GSE1: variants seen among roughly 807,000 people sequenced by gnomAD.
The protein encoded by GSE1 is genetic suppressor element 1.
GSE1 carries 32 observed loss-of-function variants against 112.6 expected under a neutral mutation model. The observed-to-expected ratio is 0.28, with a 90% CI of 0.21 to 0.38. The LOEUF (loss-of-function observed/expected upper bound fraction) is 0.38, where lower values mean the gene tolerates loss of function less well. Ranked by LOEUF, GSE1 falls within the 10% of genes least tolerant of loss-of-function variation. The probability of loss-of-function intolerance (pLI) is 1.00; values close to 1 mark genes in which losing one functional copy is unlikely to be tolerated. For synonymous variants in GSE1, 1,115 were observed against 735.6 expected (o/e 1.52, Z -8.35); for missense variants, 2,348 against 1,699.2 (o/e 1.38, Z -6.71).
chr16:85,402,686 C>G (rs908014025), intron 2 of GSE1, among the ~76,000 whole-genome samples: 1 of 152,152 alleles, frequency 6.6e-6, no homozygotes, highest in Non-Finnish European at 1.5e-5. Flanking sequence ...TTTCAGGAGG[C>G]TGAGGCGGGA....
intron 2 of GSE1, among the ~76,000 whole-genome samples, chr16:85,647,158 G>A (rs995392963): frequency 1.3e-5 from 2 of 152,190 alleles, no homozygotes; most frequent in African/African-American, 4.8e-5. Flanking sequence ...CTGCAGATGG[G>A]CCGGGGCGGC....
chr16:85,232,132 C>A (rs1030614899), intron 1 of GSE1, among the ~76,000 whole-genome samples: 1 of 152,228 alleles, frequency 6.6e-6, no homozygotes, highest in African/African-American at 2.4e-5. Context: ...CGTTGGCCTT[C>A]GATACATCCC....
intron 2 of GSE1, among the ~76,000 whole-genome samples, chr16:85,466,221 G>T (rs1354650619): frequency 6.6e-6 from 1 of 152,244 alleles, no homozygotes. Context: ...CAGCTGACCT[G>T]CTCTGCCAGG....
At chr16:85,667,253 G>A (rs989753450) in intron 13 of GSE1, among the ~76,000 whole-genome samples, 3 of 152,206 alleles carry the variant, frequency 2.0e-5, no homozygotes, top group African/African-American at 7.2e-5. Flanking sequence ...CCTTGTCCTG[G>A]CCTTACACTA....
chr16:85,305,295 T>C (rs59027975), intron 1 of GSE1, among the ~76,000 whole-genome samples: 59 of 151,406 alleles, frequency 3.9e-4, no homozygotes, highest in African/African-American at 1.3e-3. Context: ...TGATGATGAT[T>C]ATTATTATTT....
At chr16:85,653,940 G>A (rs1043341622) in intron 3 of GSE1, among the ~76,000 whole-genome samples, 1 of 152,130 alleles carries the variant, frequency 6.6e-6, no homozygotes, top group Non-Finnish European at 1.5e-5. Flanking sequence ...ACACCAGGAG[G>A]GGTGGAGGCA....
Position 85,663,434 on chromosome 16 carries a change from C to A in GSE1, c.2464C>A (p.Leu822Met), listed in dbSNP as rs534794121. The change falls in exon 11 of 16, where the codon CTG becomes ATG. Residue 822 changes from leucine (L) to methionine (M), a missense_variant. Transcript: ENST00000253458. The part of the protein sequence containing the change: ...AQKRRKRRRM[L>M]RERSPSPPTI... ...GAAGCGGAGGAAGCGGCGGAGGATGCTGCGAGAGAGAAGCCCGTCGCCCCC... is the reference window on the plus strand; with the variant it reads ...GAAGCGGAGGAAGCGGCGGAGGATGATGCGAGAGAGAAGCCCGTCGCCCCC... The A allele has an allele frequency of 8.7e-6, 14 of 1,613,746 alleles. No individual in the cohort carries two copies. The South Asian group carries it at 1.2e-4, about 14-fold the overall frequency.
At chr16:85,546,120 T>G (rs767909853) in intron 2 of GSE1, among the ~76,000 whole-genome samples, 147 of 151,980 alleles carry the variant, frequency 9.7e-4, no homozygotes, top group Admixed American at 1.8e-3. Flanking sequence ...AGTCTAGCTC[T>G]GTTGCCCAGG....
intron 2 of GSE1, among the ~76,000 whole-genome samples, chr16:85,383,424 TG>T (rs1321263763): frequency 2.6e-5 from 4 of 151,762 alleles, no homozygotes; most frequent in Admixed American, 1.3e-4. Flanking sequence ...ACACAGCCTC[TG>T]TACATAGATA....
chr16:85,301,493 C>T (rs542462341), intron 1 of GSE1, among the ~76,000 whole-genome samples: 11 of 152,350 alleles, frequency 7.2e-5, no homozygotes, highest in African/African-American at 2.4e-4. Flanking sequence ...AGATAAAATC[C>T]AGTGGCTGCC....
intron 2 of GSE1, among the ~76,000 whole-genome samples, chr16:85,484,833 T>C (rs916856483): frequency 1.3e-5 from 2 of 152,216 alleles, no homozygotes; most frequent in African/African-American, 4.8e-5. Flanking sequence ...CTGCCTTACC[T>C]GTCTCCTTGG....
At chr16:85,586,821 C>T (rs2046720655) in intron 1 of GSE1, among the ~76,000 whole-genome samples, 1 of 152,168 alleles carries the variant, frequency 6.6e-6, no homozygotes, top group African/African-American at 2.4e-5. Context: ...CCCTGGCAGC[C>T]CCTCCCTACT....
At chr16:85,256,009 C>G (rs902505585) in intron 1 of GSE1, among the ~76,000 whole-genome samples, 9 of 152,230 alleles carry the variant, frequency 5.9e-5, no homozygotes, top group Admixed American at 5.2e-4. Context: ...CTCAATCCTG[C>G]GTGACCTCGG....
intron 1 of GSE1, among the ~76,000 whole-genome samples, chr16:85,561,258 G>A (rs1304191518): frequency 6.6e-6 from 1 of 152,176 alleles, no homozygotes; most frequent in Non-Finnish European, 1.5e-5. Flanking sequence ...CCCCTTGACA[G>A]CCAGGGAAAC....
Position 85,622,743 on chromosome 16 carries a change from C to T in GSE1, c.7+9345C>T, listed in dbSNP as rs183948276. ...GGAGACCTACCTTGGGGTTGACACA[C>T]GCCAGAATTGTGGCCTTCATAGGCG... On this transcript the variant is annotated intron_variant, in intron 1 of 15. Transcript: ENST00000253458. Among the ~76,000 whole-genome samples, 9 of 152,290 alleles carry T rather than the reference C, an allele frequency of 5.9e-5. No homozygotes were observed. The East Asian group carries it at 9.6e-4, about 16-fold the overall frequency.
chr16:85,583,849 C>G (rs553002274), intron 1 of GSE1, among the ~76,000 whole-genome samples: 2 of 152,198 alleles, frequency 1.3e-5, no homozygotes, highest in Non-Finnish European at 2.9e-5. Context: ...CCTGCCTCCC[C>G]GGCGGCCTCT....
At chr16:85,269,479 C>T (rs956724108) in intron 1 of GSE1, among the ~76,000 whole-genome samples, 2 of 149,180 alleles carry the variant, frequency 1.3e-5, no homozygotes, top group African/African-American at 2.4e-5. Flanking sequence ...AGTGTTCTCA[C>T]CCTTGTGTTC....
At chr16:85,671,330 C>G (rs555116244) in intron 15 of GSE1, among the ~76,000 whole-genome samples, 2 of 149,596 alleles carry the variant, frequency 1.3e-5, no homozygotes, top group South Asian at 2.1e-4. Context: ...GTCCCAGCTA[C>G]TTGGGAGGCT....
At chr16:85,632,341 C>CT (rs2049608202) in intron 1 of GSE1, among the ~76,000 whole-genome samples, 1 of 152,150 alleles carries the variant, frequency 6.6e-6, no homozygotes. Context: ...TCCCGCCTCT[C>CT]TGTTCTCTCA....
Sources: allele counts gnomAD v4.1 joint callset (sites outside exome capture counted in the v4.1 genomes callset), GRCh38; gene constraint gnomAD v4.1.1; transcripts MANE v1.5; gene names NCBI Gene and HGNC (gene_info 2026-07-23, HGNC 2026-07-21).